RAPH1: variants seen among roughly 807,000 people sequenced by gnomAD.
The protein encoded by RAPH1 is ras-associated and pleckstrin homology domains-containing protein 1.
A neutral mutation model predicts 88.1 loss-of-function variants in RAPH1; 18 were observed. The observed-to-expected ratio is 0.20, with a 90% CI of 0.14 to 0.30. RAPH1 has a LOEUF of 0.30. RAPH1 is among the 10% of genes least tolerant of loss of function. The probability of loss-of-function intolerance (pLI) is 1.00; values close to 1 mark genes in which losing one functional copy is unlikely to be tolerated. For synonymous variants in RAPH1, 587 were observed against 559.0 expected (o/e 1.05, Z -0.71); for missense variants, 1,448 against 1,543.2 (o/e 0.94, Z 1.03).
chr2:203,526,219 G>A (rs1394817737), intron 1 of RAPH1, among the ~76,000 whole-genome samples: 2 of 151,798 alleles, frequency 1.3e-5, no homozygotes, highest in Admixed American at 6.6e-5. Flanking sequence ...ATTTGCTAAC[G>A]TTTTTTAAAA....
Position 203,440,632 on chromosome 2 carries a change from G to A in RAPH1, c.2558C>T (p.Ser853Phe). The A allele has an allele frequency of 1.9e-6, 3 of 1,556,328 alleles. No homozygotes were observed. The highest frequency in any genetic ancestry group is 4.5e-5 in the East Asian group (2 of 44,302). The change falls in exon 14 of 14, where the codon TCT becomes TTT. Residue 853 changes from serine to phenylalanine, a missense_variant. This residue lies in a region of RAPH1 where 935 missense variants were observed against 890.1 expected (regional missense o/e 1.05). Coordinates refer to ENST00000319170, the MANE Select transcript of RAPH1 (RefSeq NM_213589.3). ...QQSFCAKPPPSPLSPVPSVVK... is the reference protein window; with the variant it reads ...QQSFCAKPPPFPLSPVPSVVK... ...GACCGAGGGCACCGGTGACAGTGGA[G>A]AGGGAGGGGGTTTTGCACAGAAGCT...
Position 203,438,027 on chromosome 2 carries a change from T to C in RAPH1, c.*1410A>G, listed in dbSNP as rs1056298727. On this transcript the variant is annotated 3_prime_UTR_variant, in exon 14 of 14. Coordinates refer to ENST00000319170, the MANE Select transcript of RAPH1 (RefSeq NM_213589.3). ...AGGAAAATTCACAGAAAAAAGCATATAGAAGTATAGTGTGTCGTTAGAGCA... is the reference window on the plus strand; with the variant it reads ...AGGAAAATTCACAGAAAAAAGCATACAGAAGTATAGTGTGTCGTTAGAGCA... The C allele has an allele frequency of 1.5e-5, 6 of 396,348 alleles. No individual in the cohort carries two copies. Among genetic ancestry groups the C allele is most frequent in the Admixed American group, 1.2e-4 (4 of 32,360 alleles). The allele number at this position is 396,348 out of a possible 1,614,324, so 24.6% of individuals were successfully genotyped here.
At chr2:203,491,355 T>C (rs1380711188) in intron 2 of RAPH1, 36 bp from the exon 3 acceptor site, 6 of 1,386,352 alleles carry the variant, frequency 4.3e-6, no homozygotes, top group Middle Eastern at 1.8e-4. Context: ...CATATTAAAT[T>C]CAGGTTTCAA....
chr2:203,487,427 C>A (rs905689091), intron 4 of RAPH1, among the ~76,000 whole-genome samples: 3 of 151,184 alleles, frequency 2.0e-5, no homozygotes, highest in African/African-American at 7.3e-5. Context: ...TGTTGCCAGG[C>A]TGGAGTGCAG....
chr2:203,443,801 C>T (rs1390698409), intron 13 of RAPH1: 1 of 152,022 alleles, frequency 6.6e-6, no homozygotes, highest in East Asian at 1.9e-4. Context: ...GCAAAATAGC[C>T]AGACCTTGTC....
At position 203,440,569 on chromosome 2, in the gene RAPH1, G is replaced by A. The variant is rs145171873; in HGVS notation, c.2621C>T (p.Thr874Ile). ...GGGCTGAGATTCCATGGCAGGGGGA[G>A]TTGGAGGGGGTGGAAACTGGCTGGC... ...QIASQFPPPP[T>I]PPAMESQPLK... Residue 874 changes from threonine to isoleucine, a missense_variant, in exon 14 of 14, where the codon ACT (threonine) becomes ATT (isoleucine). This residue lies in a region of RAPH1 where 935 missense variants were observed against 890.1 expected (regional missense o/e 1.05). Transcript: ENST00000319170. The A allele has an allele frequency of 1.1e-5, 17 of 1,552,744 alleles. No individual in the cohort carries two copies. In the African/African-American group the frequency reaches 2.1e-4, roughly 19 times the overall value.
At chr2:203,491,723 G>C (rs1688276685) in intron 2 of RAPH1, among the ~76,000 whole-genome samples, 1 of 152,148 alleles carries the variant, frequency 6.6e-6, no homozygotes, top group Admixed American at 6.5e-5. Context: ...GGCCAGGCTG[G>C]TTGCAAACTT....
Position 203,441,337 on chromosome 2 carries a change from G to C in RAPH1, c.1853C>G (p.Pro618Arg), listed in dbSNP as rs763442194. The C allele has an allele frequency of 1.3e-6, 2 of 1,579,612 alleles. No individual in the cohort carries two copies. The highest frequency in any genetic ancestry group is 1.7e-6 in the Non-Finnish European group (2 of 1,164,632). Residue 618 changes from proline (P) to arginine (R), a missense_variant, in exon 14 of 14, where the codon CCC (proline) becomes CGC (arginine). By Grantham distance (103) the Pro-to-Arg change is moderately radical (BLOSUM62 -2). Transcript: ENST00000319170. ...TGGTGAAGGCTGTGAAGCAGTGTAG[G>C]GGGTGACTATCTTAGGTTGCGGGGA... is the stretch of plus-strand genomic sequence containing the variant. ...PLSPQPKIVT[P>R]YTASQPSPPL...
chr2:203,512,158 G>C (rs1166063363), intron 1 of RAPH1, among the ~76,000 whole-genome samples: 1 of 151,434 alleles, frequency 6.6e-6, no homozygotes, highest in Non-Finnish European at 1.5e-5. Flanking sequence ...AGGGGTGGTG[G>C]TGGCTCACAC....
intron 4 of RAPH1, among the ~76,000 whole-genome samples, chr2:203,488,188 A>G (rs1294559600): frequency 1.3e-5 from 2 of 152,162 alleles, no homozygotes; most frequent in Admixed American, 1.3e-4. Context: ...TTGTTACCGC[A>G]AATCTATTCC....
At chr2:203,456,008 CAAAACA>C (rs144160900) in intron 8 of RAPH1, among the ~76,000 whole-genome samples, 1,666 of 150,810 alleles carry the variant, frequency 0.011, 31 homozygotes, top group African/African-American at 0.032. Context: ...GACTCTGTCT[CAAAACA>C]AAAACAAAAA....
In RAPH1 at chr2:203,454,527, A is replaced by T. The variant is rs1234934389; in HGVS notation, c.1316T>A (p.Leu439Gln). The T allele has an allele frequency of 6.2e-7, 1 of 1,612,442 alleles. No homozygotes were observed. The highest frequency in any genetic ancestry group is 1.7e-5 in the Admixed American group (1 of 59,938). ...PKGKAKVSRDLVCFLQLDHVN... is the reference protein window; with the variant it reads ...PKGKAKVSRDQVCFLQLDHVN... ...ATGATCCAGCTGGAGAAAGCACACC[A>T]GATCCCGAGAGACCTAAGATAAAAA... The change falls in exon 10 of 14, where the codon CTG becomes CAG. Residue 439 changes from leucine (L) to glutamine (Q), a missense_variant. Around this residue, in one of 2 missense-constraint regions of RAPH1, gnomAD observed 513 missense variants for 653.1 expected, o/e 0.79. Transcript: ENST00000319170.
chr2:203,480,113 A>G (rs1054802174), intron 4 of RAPH1, among the ~76,000 whole-genome samples: 7 of 152,244 alleles, frequency 4.6e-5, no homozygotes, highest in African/African-American at 1.7e-4. Context: ...ACTTTCTATC[A>G]ATCTTATAAA....
In RAPH1 at chr2:203,515,563, A is replaced by C. The variant is rs185816471; in HGVS notation, c.-1+19548T>G. Among the ~76,000 whole-genome samples the C allele has an allele frequency of 1.3e-3, 204 of 152,340 alleles. 1 individual carries two copies. Among genetic ancestry groups the C allele is most frequent in the African/African-American group, 4.8e-3 (201 of 41,582 alleles). On this transcript the variant is annotated intron_variant, in intron 1 of 13. Coordinates refer to ENST00000319170, the MANE Select transcript of RAPH1 (RefSeq NM_213589.3). The stretch of plus-strand genomic sequence containing the variant: ...TGGTATGCATTGCCAGTTGAAGAAA[A>C]TGAACTTCATTCTGTTAAGAACGGG...
Position 203,526,595 on chromosome 2 carries a change from G to A in RAPH1, c.-1+8516C>T, listed in dbSNP as rs182211088. The stretch of plus-strand genomic sequence containing the variant: ...CAAAAATTAGCCGGGTGTGGTGATG[G>A]GCACCTGTAATCCCAGCTACTTGGG... On this transcript the variant is annotated intron_variant, in intron 1 of 13. Coordinates refer to ENST00000319170, the MANE Select transcript of RAPH1 (RefSeq NM_213589.3). Among the ~76,000 whole-genome samples, 778 of 151,286 alleles carry A rather than the reference G, an allele frequency of 5.1e-3. 18 individuals carry two copies. Among genetic ancestry groups the A allele is most frequent in the South Asian group, 0.042 (202 of 4,768 alleles).
intron 12 of RAPH1, 91 bp downstream of exon 12, chr2:203,447,868 G>C (rs2098511375): frequency 2.2e-6 from 3 of 1,356,512 alleles, no homozygotes; most frequent in South Asian, 2.8e-5. Flanking sequence ...CGGTTTTTAA[G>C]AATCAAGTTG....
rs2098520747 is a variant in RAPH1 at position 203,457,579 on chromosome 2, T to C, written c.1109A>G (p.Lys370Arg). Residue 370 changes from lysine (K) to arginine (R), a missense_variant, in exon 8 of 14, where the codon AAA becomes AGA. This residue lies in a region of RAPH1 where 513 missense variants were observed against 653.1 expected (regional missense o/e 0.79). Transcript: ENST00000319170. ...FKNPQNYLLGKKETAEMADRN... is the reference protein window; with the variant it reads ...FKNPQNYLLGRKETAEMADRN... The stretch of plus-strand genomic sequence containing the variant: ...ATCTGCCATCTCAGCTGTTTCTTTT[T>C]TCCCCAAAAGATAATTCTGGAAAAA... 2 of 1,611,410 alleles carry C rather than the reference T, an allele frequency of 1.2e-6. No individual in the cohort carries two copies. The highest frequency in any genetic ancestry group is 2.2e-5 in the East Asian group (1 of 44,880).
At chr2:203,443,197 A>G (rs905577575) in intron 13 of RAPH1, 6 of 152,232 alleles carry the variant, frequency 3.9e-5, no homozygotes, top group Non-Finnish European at 7.3e-5. Flanking sequence ...AAAAGGAAAA[A>G]TGTCCATTTA....
At position 203,437,275 on chromosome 2, in the gene RAPH1, CT is replaced by C. The variant is rs1173537187; in HGVS notation, c.*2161del. On this transcript the variant is annotated 3_prime_UTR_variant, in exon 14 of 14. Transcript: ENST00000319170. ...CAAGAAAAACTGAAGTGTTGTCTAC[CT>C]TCTCATGAGAAAATCACCACCACAA... 6.6e-6 allele frequency: 1 copy of C among 152,126 alleles called. No individual in the cohort carries two copies. The highest frequency in any genetic ancestry group is 1.5e-5 in the Non-Finnish European group (1 of 68,022). The allele number at this position is 152,126 out of a possible 1,614,324, so 9.4% of individuals were successfully genotyped here. A position where few individuals can be genotyped will look rare whatever the true frequency, so the allele number is the denominator to read the frequency against.
Sources: allele counts gnomAD v4.1 joint callset (sites outside exome capture counted in the v4.1 genomes callset), GRCh38; gene constraint gnomAD v4.1.1; regional missense constraint gnomAD v4.1.1; transcripts MANE v1.5; gene names NCBI Gene and HGNC (gene_info 2026-07-23, HGNC 2026-07-21).